Variants in AATF observed in about 807,000 individuals in gnomAD.
AATF encodes protein AATF.
AATF carries 48 observed loss-of-function variants against 63.7 expected under a neutral mutation model. That is an observed-to-expected ratio of 0.75 (90% confidence interval 0.60 to 0.96). AATF has a LOEUF of 0.96. AATF is among the 40% of genes least tolerant of loss of function. The pLI is 0.00. For missense variants in AATF, 639 were observed against 685.7 expected (o/e 0.93, Z 0.76); for synonymous variants, 258 against 247.7 (o/e 1.04, Z -0.39).
chr17:37,049,990 G>T (rs951607269), intron 11 of AATF, among the ~76,000 whole-genome samples: 1 of 152,128 alleles, frequency 6.6e-6, no homozygotes, highest in African/African-American at 2.4e-5. Flanking sequence ...TTTGGCAAAT[G>T]GAGGGCTCAT....
chr17:37,009,734 G>A (rs535349775), intron 8 of AATF, among the ~76,000 whole-genome samples: 4 of 146,666 alleles, frequency 2.7e-5, no homozygotes, highest in South Asian at 2.2e-4. Flanking sequence ...GGAGAATGGC[G>A]TGAATCCGGG....
At chr17:37,056,242 C>T in intron 11 of AATF, 1 of 188,518 alleles carries the variant, frequency 5.3e-6, no homozygotes, top group East Asian at 1.4e-4. Flanking sequence ...AAATTATATC[C>T]CCCTACATCC....
chr17:37,041,704 C>T (rs2071641680), intron 11 of AATF, among the ~76,000 whole-genome samples: 1 of 152,158 alleles, frequency 6.6e-6, no homozygotes, highest in Non-Finnish European at 1.5e-5. Context: ...GGGGTATTGC[C>T]ATGTTGGCCA....
intron 8 of AATF, among the ~76,000 whole-genome samples, chr17:37,015,862 C>G (rs2071425056): frequency 6.6e-6 from 1 of 152,196 alleles, no homozygotes; most frequent in Non-Finnish European, 1.5e-5. Context: ...TTCCAGCCTT[C>G]TTTGCCTGGT....
intron 2 of AATF, among the ~76,000 whole-genome samples, chr17:36,951,238 A>G (rs1207897535): frequency 6.6e-6 from 1 of 152,218 alleles, no homozygotes; most frequent in Non-Finnish European, 1.5e-5. Flanking sequence ...ACTATCATTT[A>G]GGTTATGATA....
chr17:36,991,733 C>T (rs1373747225), intron 8 of AATF, among the ~76,000 whole-genome samples: 1 of 151,926 alleles, frequency 6.6e-6, no homozygotes, highest in African/African-American at 2.4e-5. Flanking sequence ...CTACAGGCGC[C>T]CGCCACCAGG....
At chr17:36,969,377 C>T (rs1288453331) in intron 4 of AATF, among the ~76,000 whole-genome samples, 1 of 152,202 alleles carries the variant, frequency 6.6e-6, no homozygotes, top group East Asian at 1.9e-4. Context: ...GATCTGGAAT[C>T]TCCCTGTCCA....
At chr17:37,037,665 T>G (rs1480159005) in intron 11 of AATF, among the ~76,000 whole-genome samples, 1 of 152,178 alleles carries the variant, frequency 6.6e-6, no homozygotes, top group African/African-American at 2.4e-5. Context: ...TAAGTACACA[T>G]ATAATCTATC....
chr17:36,988,658 A>T lies in AATF; in HGVS notation c.1087A>T (p.Arg363Trp). 1 of 1,614,160 alleles carries T rather than the reference A, an allele frequency of 6.2e-7. No homozygotes were observed. Among genetic ancestry groups the T allele is most frequent in the South Asian group, 1.1e-5 (1 of 91,084 alleles). The change falls in exon 6 of 12, where the codon AGG (arginine) becomes TGG (tryptophan). Residue 363 changes from arginine to tryptophan, a missense_variant. Physicochemically the swap from Arg to Trp is moderately radical, Grantham distance 101 (BLOSUM62 -3). Coordinates refer to ENST00000619387, the MANE Select transcript of AATF (RefSeq NM_012138.4). ...AKRFADFTVY[R>W]NRTLQKWHDK... Reference sequence around the variant, plus strand: ...GCGCTTTGCCGACTTTACAGTCTACAGGAACCGCACACTTCAGAAATGGCA... The same window carrying T: ...GCGCTTTGCCGACTTTACAGTCTACTGGAACCGCACACTTCAGAAATGGCA...
At chr17:36,971,592 A>T (rs1041806631) in intron 4 of AATF, among the ~76,000 whole-genome samples, 4 of 152,222 alleles carry the variant, frequency 2.6e-5, no homozygotes, top group Non-Finnish European at 5.9e-5. Context: ...GCCCTAGAAA[A>T]ATGAAGACAT....
At chr17:36,988,909 C>A (rs2071191253) in intron 6 of AATF, among the ~76,000 whole-genome samples, 189 bp downstream of exon 6, 1 of 152,128 alleles carries the variant, frequency 6.6e-6, no homozygotes, top group African/African-American at 2.4e-5. Context: ...GGGATTTTAA[C>A]TTTATTAGAA....
chr17:36,959,127 G>A (rs866986279), intron 4 of AATF, among the ~76,000 whole-genome samples: 3 of 134,056 alleles, frequency 2.2e-5, no homozygotes, highest in African/African-American at 3.5e-5. Flanking sequence ...CCTGGGCAAC[G>A]AGCAAAACTC....
At chr17:36,973,728 A>G in intron 4 of AATF, among the ~76,000 whole-genome samples, 1 of 152,192 alleles carries the variant, frequency 6.6e-6, no homozygotes, top group South Asian at 2.1e-4. Context: ...TTTTTTTCTC[A>G]TGATAAATTA....
chr17:37,004,339 A>T (rs1456043724), intron 8 of AATF, among the ~76,000 whole-genome samples: 1 of 152,146 alleles, frequency 6.6e-6, no homozygotes, highest in Non-Finnish European at 1.5e-5. Context: ...AAAAAAAGAG[A>T]GAGAGTGAGA....
chr17:37,005,303 T>C (rs1383651601), intron 8 of AATF, among the ~76,000 whole-genome samples: 1 of 152,150 alleles, frequency 6.6e-6, no homozygotes, highest in Non-Finnish European at 1.5e-5. Flanking sequence ...TCAGGGGTGA[T>C]TATCCTGATG....
intron 10 of AATF, among the ~76,000 whole-genome samples, chr17:37,027,969 T>C (rs2071523046): frequency 1.3e-5 from 2 of 152,210 alleles, no homozygotes; most frequent in African/African-American, 2.4e-5. Flanking sequence ...TTAAAAGATA[T>C]ATTTAATTAA....
At chr17:36,989,540 TG>T (rs1404444068) in intron 7 of AATF, 129 bp downstream of exon 7, 1 of 966,924 alleles carries the variant, frequency 1.0e-6, no homozygotes, top group African/African-American at 1.6e-5. Flanking sequence ...ACTACTTTAC[TG>T]GATTACTGAG....
chr17:36,955,100 A>G (rs1173978142), intron 4 of AATF, among the ~76,000 whole-genome samples: 2 of 152,196 alleles, frequency 1.3e-5, no homozygotes, highest in Admixed American at 6.5e-5. Context: ...TCTTACTTGC[A>G]TGCTGAGACT....
At chr17:36,970,744 G>A (rs1032731773) in intron 4 of AATF, among the ~76,000 whole-genome samples, 5 of 151,690 alleles carry the variant, frequency 3.3e-5, no homozygotes, top group East Asian at 3.9e-4. Flanking sequence ...GTCTTGTTAC[G>A]TTTCCCAGGC....
Sources: allele counts gnomAD v4.1 joint callset (sites outside exome capture counted in the v4.1 genomes callset), GRCh38; gene constraint gnomAD v4.1.1; transcripts MANE v1.5; gene names NCBI Gene and HGNC (gene_info 2026-07-23, HGNC 2026-07-21).